Variants in PCDHGA8 observed in about 807,000 individuals in gnomAD.
PCDHGA8 encodes protocadherin gamma-A8.
In PCDHGA8, 45 loss-of-function variants were observed where a neutral mutation model predicts 59.2. The ratio of observed to expected loss-of-function variants is 0.76; its 90% CI spans 0.60 to 0.98. The LOEUF (loss-of-function observed/expected upper bound fraction) is 0.98, where lower values mean the gene tolerates loss of function less well. Among genes scored for constraint, PCDHGA8 ranks in the 50% least tolerant of loss-of-function variants. PCDHGA8 has a pLI of 0.00. For synonymous variants in PCDHGA8, 531 were observed against 519.0 expected, an observed-to-expected ratio of 1.02 and a Z score of -0.32; for missense variants, 1,257 against 1,196.2, an observed-to-expected ratio of 1.05 and a Z score of -0.75.
Position 141,491,436 on chromosome 5 carries a change from G to A in PCDHGA8, c.2425-3371G>A, listed in dbSNP as rs771884610. ...ACGGGGGTGGAGGGCAGTGCTGCAG[G>A]CGCCAGGACTCACCCTCCCCGGACT... On this transcript the variant is annotated intron_variant, in intron 1 of 3. Coordinates refer to ENST00000398604, the MANE Select transcript of PCDHGA8 (RefSeq NM_032088.2). This position sits in a 1 kb window ranked among gnomAD's most constrained non-coding sequence, Gnocchi z 6.9. 1 of 1,614,070 alleles carries A rather than the reference G, an allele frequency of 6.2e-7. No individual in the cohort carries two copies. The highest frequency in any genetic ancestry group is 8.5e-7 in the Non-Finnish European group (1 of 1,180,034).
intron 1 of PCDHGA8, chr5:141,414,389 A>G: frequency 1.9e-6 from 3 of 1,613,926 alleles, no homozygotes; most frequent in African/African-American, 2.7e-5. Context: ...ATTGACAGTT[A>G]TTACAGATTG....
At chr5:141,430,837 CG>C in intron 1 of PCDHGA8, 1 of 1,560,074 alleles carries the variant, frequency 6.4e-7, no homozygotes, top group African/African-American at 1.4e-5. Flanking sequence ...TGTGGGAGAC[CG>C]GATGCACCCA....
At chr5:141,427,259 G>A (rs1365845158) in intron 1 of PCDHGA8, 1 of 456,756 alleles carries the variant, frequency 2.2e-6, no homozygotes, top group Non-Finnish European at 4.4e-6. Flanking sequence ...GTGGAGGCAT[G>A]ACCAGCGAAT....
chr5:141,448,818 G>A (rs2098609016), intron 1 of PCDHGA8, among the ~76,000 whole-genome samples: 1 of 151,984 alleles, frequency 6.6e-6, no homozygotes, highest in Admixed American at 6.6e-5. Context: ...GATGGCGGGC[G>A]CCTGTAGTCC....
At chr5:141,482,555 T>C (rs1419129474) in intron 1 of PCDHGA8, among the ~76,000 whole-genome samples, 1 of 116,392 alleles carries the variant, frequency 8.6e-6, no homozygotes, top group African/African-American at 3.8e-5. Context: ...AAAAAGATAA[T>C]GGAGATCTGC....
intron 1 of PCDHGA8, among the ~76,000 whole-genome samples, chr5:141,443,369 C>T (rs1403494558): frequency 6.6e-6 from 1 of 151,848 alleles, no homozygotes; most frequent in African/African-American, 2.4e-5. Context: ...CCTGTGGTCT[C>T]AGCTACTTGG....
Position 141,477,312 on chromosome 5 carries a change from TTACTTC to T in PCDHGA8, c.2425-17493_2425-17488del, listed in dbSNP as rs773034406. Reference sequence around the variant, plus strand: ...GTTCCACCGGGTCTCCCTTTCAGCCTTACTTCTTCCCTCAAGAATTACTTCACTTTG... The same window carrying T: ...GTTCCACCGGGTCTCCCTTTCAGCCTTTCCCTCAAGAATTACTTCACTTTG... On this transcript the variant is annotated intron_variant, in intron 1 of 3. Coordinates refer to ENST00000398604, the MANE Select transcript of PCDHGA8 (RefSeq NM_032088.2). The surrounding 1 kb of genome is among the most constrained non-coding windows in gnomAD (Gnocchi z 4.9). The T allele has an allele frequency of 2.5e-6, 4 of 1,614,162 alleles. No homozygotes were observed. Among genetic ancestry groups the T allele is most frequent in the Non-Finnish European group, 3.4e-6 (4 of 1,180,032 alleles).
chr5:141,404,372 G>A (rs747130914), intron 1 of PCDHGA8: 7 of 1,613,844 alleles, frequency 4.3e-6, no homozygotes, highest in South Asian at 1.1e-5. Context: ...CATCTTCTCC[G>A]TGATTGCCTA....
intron 1 of PCDHGA8, chr5:141,399,734 C>T: frequency 6.2e-7 from 1 of 1,613,338 alleles, no homozygotes; most frequent in Non-Finnish European, 8.5e-7. Context: ...CAGGGCTCGC[C>T]TGCGCTCAGC....
At position 141,431,363 on chromosome 5, in the gene PCDHGA8, C is replaced by T. The variant is rs765751691; in HGVS notation, c.2424+36126C>T. On this transcript the variant is annotated intron_variant, in intron 1 of 3. Transcript: ENST00000398604. The surrounding 1 kb of genome is among the most constrained non-coding windows in gnomAD (Gnocchi z 4.8). The stretch of plus-strand genomic sequence containing the variant: ...ATTGGTGCTGAAACGCGCCCTGGAC[C>T]GCGAAGAAAAGGCTGCTCACCACCT... 1 of 1,614,024 alleles carries T rather than the reference C, an allele frequency of 6.2e-7. No homozygotes were observed. The highest frequency in any genetic ancestry group is 2.2e-5 in the East Asian group (1 of 44,882).
chr5:141,473,887 C>T (rs887871337), intron 1 of PCDHGA8, among the ~76,000 whole-genome samples: 3 of 152,144 alleles, frequency 2.0e-5, no homozygotes, highest in Non-Finnish European at 2.9e-5. Context: ...CACAAGGGTT[C>T]TGTTGGTTCA....
intron 3 of PCDHGA8, among the ~76,000 whole-genome samples, chr5:141,509,686 G>A (rs1350812680): frequency 6.6e-6 from 1 of 152,212 alleles, no homozygotes; most frequent in Non-Finnish European, 1.5e-5. Flanking sequence ...CTTCTGTACA[G>A]TGGGACGTTG....
chr5:141,472,218 G>A (rs1206861601), intron 1 of PCDHGA8, among the ~76,000 whole-genome samples: 3 of 152,054 alleles, frequency 2.0e-5, no homozygotes, highest in Admixed American at 2.0e-4. Flanking sequence ...CCTTACTCTC[G>A]ATCATATAAT....
chr5:141,443,385 T>G (rs2098386152), intron 1 of PCDHGA8, among the ~76,000 whole-genome samples: 2 of 151,940 alleles, frequency 1.3e-5, no homozygotes, highest in African/African-American at 4.8e-5. Flanking sequence ...CTTGGGAGGC[T>G]GAGGTGTGAG....
rs776219135 is a variant in PCDHGA8, at chr5:141,403,980, A to G, written c.2424+8743A>G. ...ATTTCGGTGGAAGATGTAAATGACA[A>G]TAGACCTGAAGTGACCATTACATCT... On this transcript the variant is annotated intron_variant, in intron 1 of 3. Coordinates refer to ENST00000398604, the MANE Select transcript of PCDHGA8 (RefSeq NM_032088.2). The G allele has an allele frequency of 5.0e-6, 8 of 1,613,890 alleles. No homozygotes were observed. In the South Asian group the frequency reaches 8.8e-5, roughly 18 times the overall value.
chr5:141,439,588 T>C (rs2098121813), intron 1 of PCDHGA8, among the ~76,000 whole-genome samples: 2 of 152,200 alleles, frequency 1.3e-5, no homozygotes, highest in South Asian at 4.1e-4. Flanking sequence ...AGTGCCACTG[T>C]TGGCCAGTCT....
chr5:141,400,547 CT>C (rs765907405), intron 1 of PCDHGA8: 1 of 1,613,676 alleles, frequency 6.2e-7, no homozygotes, highest in East Asian at 2.2e-5. Context: ...TATGTCTATT[CT>C]TTTTCATTAC....
chr5:141,418,282 A>T (rs1209026046), intron 1 of PCDHGA8: 2 of 1,614,030 alleles, frequency 1.2e-6, no homozygotes, highest in Non-Finnish European at 1.7e-6. Flanking sequence ...TAAACTTAGA[A>T]ATCAGTGAAT....
chr5:141,485,680 C>T lies in PCDHGA8; in HGVS notation c.2425-9127C>T. The T allele has an allele frequency of 6.2e-7, 1 of 1,613,966 alleles. No individual in the cohort carries two copies. Among genetic ancestry groups the T allele is most frequent in the South Asian group, 1.1e-5 (1 of 91,066 alleles). The stretch of plus-strand genomic sequence containing the variant: ...ATGTGGGGAGCAATTCGATTAGCAG[C>T]TATAGGCTGAGCTCCAATGAACACT... On this transcript the variant is annotated intron_variant, in intron 1 of 3. Coordinates refer to ENST00000398604, the MANE Select transcript of PCDHGA8 (RefSeq NM_032088.2). The surrounding 1 kb of genome is among the most constrained non-coding windows in gnomAD (Gnocchi z 5.7).
Sources: allele counts gnomAD v4.1 joint callset (sites outside exome capture counted in the v4.1 genomes callset), GRCh38; gene constraint gnomAD v4.1.1; non-coding constraint Gnocchi (gnomAD v3.1); transcripts MANE v1.5; gene names NCBI Gene and HGNC (gene_info 2026-07-23, HGNC 2026-07-21).